The following PARD3 variants were observed in gnomAD, a reference collection of about 807,000 sequenced individuals.
PARD3 encodes partitioning defective 3 homolog.
In PARD3, 75 loss-of-function variants were observed where a neutral mutation model predicts 155.4. The ratio of observed to expected loss-of-function variants is 0.48; its 90% CI spans 0.40 to 0.58. PARD3 has a LOEUF of 0.58. Among genes scored for constraint, PARD3 ranks in the 20% least tolerant of loss-of-function variants. The probability of loss-of-function intolerance (pLI) is 0.00; values close to 1 mark genes in which losing one functional copy is unlikely to be tolerated. For missense variants in PARD3, 1,642 were observed against 1,721.7 expected, an observed-to-expected ratio of 0.95 and a Z score of 0.82; for synonymous variants, 576 against 610.5, an observed-to-expected ratio of 0.94 and a Z score of 0.83.
intron 3 of PARD3, among the ~76,000 whole-genome samples, chr10:34,485,606 TA>T (rs2079400593): frequency 1.3e-5 from 2 of 152,140 alleles, no homozygotes; most frequent in African/African-American, 4.8e-5. Flanking sequence ...AGTTATTATC[TA>T]AAGATCTGGA....
At chr10:34,681,769 T>TAGA (rs1491145185) in intron 2 of PARD3, among the ~76,000 whole-genome samples, 1 of 14,550 alleles carries the variant, frequency 6.9e-5, no homozygotes, top group Admixed American at 1.7e-3. Flanking sequence ...TATATATATA[T>TAGA]TTTTTTTTTT....
chr10:34,402,684 C>T (rs1357908565), intron 5 of PARD3, among the ~76,000 whole-genome samples: 3 of 152,110 alleles, frequency 2.0e-5, no homozygotes, highest in South Asian at 4.1e-4. Context: ...ACAAATTGCT[C>T]CAATGTGTTG....
chr10:34,453,968 A>G (rs1199347670), intron 4 of PARD3, among the ~76,000 whole-genome samples: 1 of 152,224 alleles, frequency 6.6e-6, no homozygotes, highest in Non-Finnish European at 1.5e-5. Flanking sequence ...GTTCACTCTC[A>G]TAACAAAGGA....
chr10:34,651,809 C>A (rs761618711), intron 2 of PARD3, among the ~76,000 whole-genome samples: 2 of 152,158 alleles, frequency 1.3e-5, no homozygotes, highest in Non-Finnish European at 2.9e-5. Context: ...CTTTGGATTT[C>A]GACACAATTA....
chr10:34,811,054 A>G (rs944633378), intron 1 of PARD3, among the ~76,000 whole-genome samples: 1 of 152,180 alleles, frequency 6.6e-6, no homozygotes, highest in Non-Finnish European at 1.5e-5. Context: ...AAGGGGCTCC[A>G]GCACCTCCTT....
rs534121192 is a variant in PARD3 at position 34,559,825 on chromosome 10, C to T, written c.223-42666G>A. On this transcript the variant is annotated intron_variant, in intron 2 of 24. Coordinates refer to ENST00000374788, the MANE Select transcript of PARD3 (RefSeq NM_001184785.2). ...AAGCGACTGTAACAACAAAAACGCA[C>T]TTCTGAGGCTTTGGCTGTTACCACT... Among the ~76,000 whole-genome samples the T allele has an allele frequency of 2.2e-4, 33 of 152,280 alleles. No individual in the cohort carries two copies. In the South Asian group the frequency reaches 6.4e-3, roughly 30 times the overall value.
intron 5 of PARD3, among the ~76,000 whole-genome samples, chr10:34,438,421 T>C (rs527778941): frequency 1.7e-3 from 258 of 152,334 alleles, no homozygotes; most frequent in African/African-American, 5.3e-3. Context: ...TTTACAAATG[T>C]ACATGTCTTC....
At chr10:34,651,862 T>C (rs1481845388) in intron 2 of PARD3, among the ~76,000 whole-genome samples, 2 of 152,226 alleles carry the variant, frequency 1.3e-5, no homozygotes, top group East Asian at 1.9e-4. Flanking sequence ...CTTATTCCAG[T>C]TGTACCATAC....
intron 23 of PARD3, among the ~76,000 whole-genome samples, chr10:34,126,136 T>A (rs1283326497): frequency 6.6e-6 from 1 of 152,214 alleles, no homozygotes; most frequent in African/African-American, 2.4e-5. Flanking sequence ...TTTCTTCTTC[T>A]CTTGCTCAAC....
At chr10:34,584,548 A>G (rs1159572375) in intron 2 of PARD3, among the ~76,000 whole-genome samples, 2 of 152,152 alleles carry the variant, frequency 1.3e-5, no homozygotes, top group Non-Finnish European at 2.9e-5. Flanking sequence ...ACCTTGAAAA[A>G]GAGAGGTACA....
At chr10:34,328,113 G>A (rs1835229324) in intron 19 of PARD3, among the ~76,000 whole-genome samples, 1 of 152,202 alleles carries the variant, frequency 6.6e-6, no homozygotes, top group African/African-American at 2.4e-5. Flanking sequence ...TTTTATGTAA[G>A]CTGACAGCCA....
At chr10:34,630,566 A>C (rs907072413) in intron 2 of PARD3, among the ~76,000 whole-genome samples, 5 of 150,556 alleles carry the variant, frequency 3.3e-5, no homozygotes, top group African/African-American at 9.8e-5. Context: ...CTCCCACCTC[A>C]ACCTCCTGGA....
chr10:34,562,680 T>C (rs899207386), intron 2 of PARD3, among the ~76,000 whole-genome samples: 3 of 152,060 alleles, frequency 2.0e-5, no homozygotes, highest in Non-Finnish European at 4.4e-5. Flanking sequence ...GTCAACCAAA[T>C]GATACACCAT....
chr10:34,389,239 TAAAAAAAA>T (rs57615675), intron 7 of PARD3, among the ~76,000 whole-genome samples: 23 of 65,856 alleles, frequency 3.5e-4, no homozygotes, highest in African/African-American at 1.2e-3. Flanking sequence ...CAATGTTTCT[TAAAAAAAA>T]AAAAAAAAAA....
intron 22 of PARD3, among the ~76,000 whole-genome samples, chr10:34,263,784 G>C (rs1220004072): frequency 2.0e-5 from 3 of 152,206 alleles, no homozygotes; most frequent in Admixed American, 6.5e-5. Flanking sequence ...TCAGAGGATA[G>C]CAGTGTCTTA....
Position 34,690,933 on chromosome 10 carries a change from C to A in PARD3, c.222+5385G>T, listed in dbSNP as rs956735579. On this transcript the variant is annotated intron_variant, in intron 2 of 24. Transcript: ENST00000374788. ...CATGAATCCATACATCAAAACACAG[C>A]CGAGCGCAGTGGCTCATGCCTGTAG... is the stretch of plus-strand genomic sequence containing the variant. 2.6e-5 allele frequency among the ~76,000 whole-genome samples: 4 copies of A among 152,280 alleles called. No homozygotes were observed. In the East Asian group the frequency reaches 7.7e-4, roughly 29 times the overall value.
At chr10:34,125,588 A>G (rs188935966) in intron 23 of PARD3, among the ~76,000 whole-genome samples, 22 of 152,230 alleles carry the variant, frequency 1.4e-4, no homozygotes, top group Non-Finnish European at 2.6e-4. Context: ...AGTGGTACAG[A>G]GTGGCTGTGT....
At chr10:34,787,966 T>G (rs1256488162) in intron 1 of PARD3, among the ~76,000 whole-genome samples, 1 of 149,134 alleles carries the variant, frequency 6.7e-6, no homozygotes, top group Non-Finnish European at 1.5e-5. Flanking sequence ...TTTTTTTTTG[T>G]AGAGACAGGG....
At chr10:34,278,044 T>G (rs189757554) in intron 21 of PARD3, among the ~76,000 whole-genome samples, 18 of 152,234 alleles carry the variant, frequency 1.2e-4, no homozygotes, top group African/African-American at 3.1e-4. Flanking sequence ...ATTGATTATA[T>G]TGTCTTTTCC....
Sources: gnomAD v4.1 joint callset for allele counts (sites outside exome capture counted in the v4.1 genomes callset) on GRCh38, gnomAD v4.1.1 for gene constraint, MANE v1.5 for transcripts, NCBI Gene and HGNC (gene_info 2026-07-23, HGNC 2026-07-21) for gene names.